Variants in PNLIPRP1 observed in about 807,000 individuals in gnomAD.
The protein encoded by PNLIPRP1 is inactive pancreatic lipase-related protein 1.
A neutral mutation model predicts 54.6 loss-of-function variants in PNLIPRP1; 57 were observed. The observed-to-expected ratio is 1.04, with a 90% CI of 0.84 to 1.30. PNLIPRP1 has a LOEUF of 1.30. Ranked by LOEUF, PNLIPRP1 falls within the 50% of genes most tolerant of loss-of-function variation. The probability of loss-of-function intolerance (pLI) is 0.00; values close to 1 mark genes in which losing one functional copy is unlikely to be tolerated. For synonymous variants in PNLIPRP1, 232 were observed against 208.8 expected, an observed-to-expected ratio of 1.11 and a Z score of -0.96; for missense variants, 567 against 568.5, an observed-to-expected ratio of 1.00 and a Z score of 0.03.
chr10:116,592,730 T>C, intron 4 of PNLIPRP1, 189 bp downstream of exon 4: 1 of 724,976 alleles, frequency 1.4e-6, no homozygotes, highest in Non-Finnish European at 2.4e-6. Context: ...AGCAACCACA[T>C]TTGCTGTTAG....
chr10:116,599,963 G>C, intron 8 of PNLIPRP1, 84 bp from the exon 9 acceptor site: 1 of 838,932 alleles, frequency 1.2e-6, no homozygotes, highest in Non-Finnish European at 2.0e-6. Context: ...TCCTACTTTG[G>C]AACCATCCCA....
intron 10 of PNLIPRP1, among the ~76,000 whole-genome samples, chr10:116,601,523 C>T (rs1265255775): frequency 6.6e-6 from 1 of 152,108 alleles, no homozygotes; most frequent in Non-Finnish European, 1.5e-5. Flanking sequence ...TTTTTAAGGC[C>T]GCATCAGACA....
At chr10:116,599,699 C>T (rs1448488020) in intron 8 of PNLIPRP1, among the ~76,000 whole-genome samples, 2 of 152,136 alleles carry the variant, frequency 1.3e-5, no homozygotes, top group Non-Finnish European at 2.9e-5. Flanking sequence ...GGTTTAATTA[C>T]CAGCTTTCCC....
Position 116,595,966 on chromosome 10 carries a change from AG to A in PNLIPRP1, c.466-246del, listed in dbSNP as rs1847727813. The A allele has an allele frequency of 4.2e-5, 16 of 385,406 alleles. No individual in the cohort carries two copies. In the South Asian group the frequency reaches 5.3e-4, roughly 13 times the overall value. The allele number at this position is 385,406 out of a possible 1,614,324, so 23.9% of individuals were successfully genotyped here. On this transcript the variant is annotated intron_variant, in intron 5 of 12. Coordinates refer to ENST00000358834, the MANE Select transcript of PNLIPRP1 (RefSeq NM_006229.4). ...AACAACAAGAAGAGAAGAACAAACC[AG>A]GCCCAGAGGTGAGAGGCTATGATGT...
At chr10:116,594,264 T>C (rs1278800175) in intron 4 of PNLIPRP1, 1 of 482,392 alleles carries the variant, frequency 2.1e-6, no homozygotes, top group Non-Finnish European at 4.1e-6. Context: ...CTCCATGAAG[T>C]ACTGTGTCAT....
rs1554863443 is a variant in PNLIPRP1, at chr10:116,592,817, T to C, written c.330+276T>C. ...TGCTTCCATTTGTAGTGAGGGTACT[T>C]TGTATCCTATAAGCGAGGGACTATA... On this transcript the variant is annotated intron_variant, in intron 4 of 12. Transcript: ENST00000358834. 8.5e-6 allele frequency: 4 copies of C among 467,876 alleles called. No homozygotes were observed. The East Asian group carries it at 2.0e-4, about 23-fold the overall frequency. 29.0% of individuals were successfully genotyped at this position (467,876 alleles called of 1,614,324 possible). A position where few individuals can be genotyped will look rare whatever the true frequency, so the allele number is the denominator to read the frequency against.
chr10:116,591,993 A>G (rs533914589), intron 3 of PNLIPRP1, 68 bp downstream of exon 3: 1 of 1,531,010 alleles, frequency 6.5e-7, no homozygotes, highest in Non-Finnish European at 9.0e-7. Context: ...CAGACCATGA[A>G]TACCTTATCT....
At chr10:116,608,185 T>C (rs1847969112) in intron 12 of PNLIPRP1, among the ~76,000 whole-genome samples, 1 of 152,210 alleles carries the variant, frequency 6.6e-6, no homozygotes, top group East Asian at 1.9e-4. Flanking sequence ...ACTGTGTCAT[T>C]GGAGGGAATC....
chr10:116,594,863 T>C lies in PNLIPRP1; in HGVS notation c.464T>C (p.Leu155Ser). 6.2e-7 allele frequency: 1 copy of C among 1,613,840 alleles called. No homozygotes were observed. Among genetic ancestry groups the C allele is most frequent in the Non-Finnish European group, 8.5e-7 (1 of 1,179,978 alleles). Reference protein sequence around the residue: ...AQVAQMLDILLTEYSYPPSKV... With the variant: ...AQVAQMLDILSTEYSYPPSKV... ...GTGGCCCAGATGCTCGACATCCTCT[T>C]GGTGAGTCAGCTGGCTGGCCTATGT... Residue 155 changes from leucine (L) to serine (S), a missense_variant and splice_region_variant, in exon 5 of 13, where the codon TTG becomes TCG. Transcript: ENST00000358834.
intron 4 of PNLIPRP1, chr10:116,592,774 C>A (rs1554863430): frequency 3.4e-6 from 2 of 587,512 alleles, no homozygotes; most frequent in Admixed American, 4.5e-5. Flanking sequence ...TCTGGTTAAA[C>A]CAAGGCCTGA....
rs569352958 is a variant in PNLIPRP1 at position 116,595,956 on chromosome 10, A to G, written c.466-258A>G. On this transcript the variant is annotated intron_variant, in intron 5 of 12. Transcript: ENST00000358834. ...GGGGATAGACAACAACAAGAAGAGA[A>G]GAACAAACCAGGCCCAGAGGTGAGA... 22 of 355,914 alleles carry G rather than the reference A, an allele frequency of 6.2e-5. No individual in the cohort carries two copies. In the South Asian group the frequency reaches 9.1e-4, roughly 15 times the overall value. 22.0% of individuals were successfully genotyped at this position (355,914 alleles called of 1,614,324 possible). A position where few individuals can be genotyped will look rare whatever the true frequency, so the allele number is the denominator to read the frequency against.
Position 116,609,104 on chromosome 10 carries a change from C to T in PNLIPRP1, c.1392C>T (p.Leu464=). The part of the protein sequence containing the change: ...DTVREDTLLT[L]TPC ...TGCGGGAAGACACGCTGCTCACCCT[C>T]ACGCCCTGCTAAGCTCCCGGGGCGA... Residue 464 remains leucine (L), a synonymous_variant, in exon 13 of 13, where the codon CTC becomes CTT. Transcript: ENST00000358834. 6.2e-7 allele frequency: 1 copy of T among 1,611,334 alleles called. No homozygotes were observed. Among genetic ancestry groups the T allele is most frequent in the Non-Finnish European group, 8.5e-7 (1 of 1,178,460 alleles).
Position 116,598,033 on chromosome 10 carries a change from T to C in PNLIPRP1, c.695-14T>C, listed in dbSNP as rs1360354651. 2.5e-6 allele frequency: 4 copies of C among 1,613,996 alleles called. No homozygotes were observed. The highest frequency in any genetic ancestry group is 2.2e-5 in the East Asian group (1 of 44,876). Reference sequence around the variant, plus strand: ...TGCATGACAAAAAGCTCATTGTTTTTCTAAGCATTTCAGGTTTTGGAACGA... The same window carrying C: ...TGCATGACAAAAAGCTCATTGTTTTCCTAAGCATTTCAGGTTTTGGAACGA... On this transcript the variant is annotated splice_polypyrimidine_tract_variant and intron_variant, in intron 7 of 12. Transcript: ENST00000358834.
At chr10:116,605,632 C>A (rs530184768) in intron 12 of PNLIPRP1, 79 bp downstream of exon 12, 51 of 1,113,768 alleles carry the variant, frequency 4.6e-5, no homozygotes, top group Non-Finnish European at 6.4e-5. Context: ...TAGAAAGTTA[C>A]GTGTAGTTAA....
At chr10:116,604,767 C>G (rs1847910229) in intron 11 of PNLIPRP1, among the ~76,000 whole-genome samples, 1 of 139,454 alleles carries the variant, frequency 7.2e-6, no homozygotes, top group African/African-American at 2.7e-5. Context: ...TGGCTCATTG[C>G]AACCTCCGCC....
At chr10:116,591,323 TA>T in intron 2 of PNLIPRP1, 145 bp downstream of exon 2, 2 of 651,680 alleles carry the variant, frequency 3.1e-6, no homozygotes, top group Non-Finnish European at 5.3e-6. Flanking sequence ...CCTGGGAGAG[TA>T]GGCTGGGCAG....
At chr10:116,606,005 T>C (rs1472978195) in intron 12 of PNLIPRP1, among the ~76,000 whole-genome samples, 1 of 152,216 alleles carries the variant, frequency 6.6e-6, no homozygotes. Context: ...TGTGAGATCC[T>C]GACCTGTGGT....
At chr10:116,602,543 G>A (rs1847865196) in intron 10 of PNLIPRP1, among the ~76,000 whole-genome samples, 1 of 152,236 alleles carries the variant, frequency 6.6e-6, no homozygotes, top group South Asian at 2.1e-4. Flanking sequence ...TCCAGCCAAA[G>A]ACAGAAACTG....
chr10:116,604,102 G>T lies in PNLIPRP1; in HGVS notation c.1136G>T (p.Gly379Val). 1 of 1,611,910 alleles carries T rather than the reference G, an allele frequency of 6.2e-7. No homozygotes were observed. Residue 379 changes from glycine (G) to valine (V), a missense_variant, in exon 11 of 13, where the codon GGA (glycine) becomes GTA (valine). Coordinates refer to ENST00000358834, the MANE Select transcript of PNLIPRP1 (RefSeq NM_006229.4). ...ATGQIKVALF[G>V]NKGNTHQYSI... ...GGTCAGATCAAAGTTGCTTTGTTTG[G>T]AAATAAGGGAAACACTCACCAGTAC...
Sources: gnomAD v4.1 joint callset for allele counts (sites outside exome capture counted in the v4.1 genomes callset) on GRCh38, gnomAD v4.1.1 for gene constraint, MANE v1.5 for transcripts, NCBI Gene and HGNC (gene_info 2026-07-23, HGNC 2026-07-21) for gene names.